EPHA5: variants seen among roughly 807,000 people sequenced by gnomAD.
EPHA5 encodes ephrin type-A receptor 5.
Under a neutral mutation model 105.0 loss-of-function variants are expected in EPHA5, and 60 were observed. That is an observed-to-expected ratio of 0.57 (90% CI 0.46 to 0.71). The LOEUF is 0.71. Ranked by LOEUF, EPHA5 falls within the 30% of genes least tolerant of loss-of-function variation. The pLI, the probability that EPHA5 is intolerant of heterozygous loss-of-function variation, is 0.00. For synonymous variants in EPHA5, 513 were observed against 449.1 expected, an observed-to-expected ratio of 1.14 and a Z score of -1.80; for missense variants, 1,218 against 1,274.7, an observed-to-expected ratio of 0.96 and a Z score of 0.68.
At chr4:65,367,331 A>ATT (rs759569334) in intron 9 of EPHA5, 26 bp downstream of exon 9, 1 of 1,582,660 alleles carries the variant, frequency 6.3e-7, no homozygotes, top group East Asian at 2.2e-5. Context: ...ATTTTATTCT[A>ATT]TTTTTATTTT....
intron 3 of EPHA5, among the ~76,000 whole-genome samples, chr4:65,570,390 T>C (rs1739998922): frequency 6.6e-6 from 1 of 151,662 alleles, no homozygotes; most frequent in South Asian, 2.1e-4. Flanking sequence ...AAAGTTTTAG[T>C]TTTTGCTATG....
At chr4:65,478,767 C>T (rs1432259140) in intron 5 of EPHA5, among the ~76,000 whole-genome samples, 3 of 152,118 alleles carry the variant, frequency 2.0e-5, no homozygotes, top group Non-Finnish European at 2.9e-5. Flanking sequence ...CCAAGGGACC[C>T]GGCTTTGACC....
At chr4:65,535,723 T>C (rs1172663046) in intron 3 of EPHA5, among the ~76,000 whole-genome samples, 1 of 152,000 alleles carries the variant, frequency 6.6e-6, no homozygotes, top group Non-Finnish European at 1.5e-5. Flanking sequence ...TAGCACCATA[T>C]TATTAAAATG....
intron 5 of EPHA5, among the ~76,000 whole-genome samples, chr4:65,443,161 G>A (rs1212196463): frequency 6.6e-6 from 1 of 151,996 alleles, no homozygotes; most frequent in African/African-American, 2.4e-5. Context: ...GTTTGCCCTA[G>A]TTATTTACAA....
chr4:65,628,764 G>T (rs763519777), intron 2 of EPHA5, among the ~76,000 whole-genome samples: 4 of 152,128 alleles, frequency 2.6e-5, no homozygotes, highest in Non-Finnish European at 2.9e-5. Context: ...GAATAATCTT[G>T]AATTATTTGA....
chr4:65,543,529 C>T (rs1479165348), intron 3 of EPHA5, among the ~76,000 whole-genome samples: 1 of 151,832 alleles, frequency 6.6e-6, no homozygotes, highest in Non-Finnish European at 1.5e-5. Context: ...ATGTGAAGGA[C>T]CTCTTCAAGG....
At chr4:65,612,337 C>A (rs1243914383) in intron 2 of EPHA5, among the ~76,000 whole-genome samples, 1 of 152,120 alleles carries the variant, frequency 6.6e-6, no homozygotes, top group Non-Finnish European at 1.5e-5. Flanking sequence ...ACCCTCTCAC[C>A]TTGCCGAGTT....
intron 2 of EPHA5, among the ~76,000 whole-genome samples, chr4:65,630,067 ACTCT>A (rs761380491): frequency 6.0e-5 from 8 of 133,408 alleles, no homozygotes; most frequent in Admixed American, 1.7e-4. Context: ...ACACACACAC[ACTCT>A]CTCTCTCTCT....
chr4:65,338,668 T>C (rs748110818), intron 14 of EPHA5, among the ~76,000 whole-genome samples: 2 of 152,144 alleles, frequency 1.3e-5, no homozygotes, highest in Non-Finnish European at 2.9e-5. Context: ...GGTAATTAGG[T>C]CATGAAATTT....
In EPHA5 at chr4:65,669,689, G is replaced by A. The variant is rs1750291779; in HGVS notation, c.54C>T (p.Gly18=). The A allele has an allele frequency of 7.6e-7, 1 of 1,311,670 alleles. No individual in the cohort carries two copies. Among genetic ancestry groups the A allele is most frequent in the Non-Finnish European group, 9.7e-7 (1 of 1,027,216 alleles). 81.3% of individuals were successfully genotyped at this position (1,311,670 alleles called of 1,614,324 possible). A position where few individuals can be genotyped will look rare whatever the true frequency, so the allele number is the denominator to read the frequency against. Residue 18 remains glycine (G), a synonymous_variant, in exon 1 of 17, where the codon GGC becomes GGT. Transcript: ENST00000613740. ...ACGCTGGGGTGATGGGGGTGTCGCC[G>A]CCGCCGCTTGGGGGCCGCCGGCGTC... ...GAGRRRPPSG[G]GDTPITPASL...
intron 8 of EPHA5, among the ~76,000 whole-genome samples, chr4:65,391,055 A>T (rs1461794297): frequency 6.6e-6 from 1 of 152,020 alleles, no homozygotes; most frequent in Non-Finnish European, 1.5e-5. Context: ...AGGAAGGAGA[A>T]GTGCCAAGCA....
At chr4:65,573,424 A>AT in intron 3 of EPHA5, 15 of 586,330 alleles carry the variant, frequency 2.6e-5, no homozygotes, top group Middle Eastern at 1.0e-3. Flanking sequence ...AAAAAAAAAA[A>AT]AAAAAAAAAA....
intron 5 of EPHA5, among the ~76,000 whole-genome samples, chr4:65,487,630 C>G (rs1051579138): frequency 5.3e-5 from 8 of 152,118 alleles, no homozygotes; most frequent in Non-Finnish European, 1.0e-4. Context: ...TCTTGTAGCC[C>G]TCACCCGGAA....
chr4:65,612,343 G>A (rs1744857805), intron 2 of EPHA5, among the ~76,000 whole-genome samples: 1 of 151,864 alleles, frequency 6.6e-6, no homozygotes, highest in South Asian at 2.1e-4. Flanking sequence ...TCACCTTGCC[G>A]AGTTTCCAAA....
intron 3 of EPHA5, among the ~76,000 whole-genome samples, chr4:65,596,292 C>T (rs770314254): frequency 1.3e-5 from 2 of 152,090 alleles, no homozygotes; most frequent in African/African-American, 2.4e-5. Context: ...TATCTAGACA[C>T]ATTTTTGACT....
At chr4:65,464,455 A>T (rs890402326) in intron 5 of EPHA5, among the ~76,000 whole-genome samples, 1 of 152,130 alleles carries the variant, frequency 6.6e-6, no homozygotes, top group Admixed American at 6.5e-5. Context: ...ACTTTAATCT[A>T]AATAGATAAT....
intron 3 of EPHA5, among the ~76,000 whole-genome samples, chr4:65,587,499 T>A (rs1228294464): frequency 6.6e-6 from 1 of 152,060 alleles, no homozygotes; most frequent in Non-Finnish European, 1.5e-5. Flanking sequence ...AGACCAAAAG[T>A]TCAGAAATGG....
rs780468296 is a variant in EPHA5 at position 65,601,834 on chromosome 4, G to T, written c.717C>A (p.His239Gln). The T allele has an allele frequency of 3.7e-6, 6 of 1,614,164 alleles. No individual in the cohort carries two copies. The highest frequency in any genetic ancestry group is 3.4e-6 in the Non-Finnish European group (4 of 1,180,028). The part of the protein sequence containing the change: ...YYKKCPSVVR[H>Q]LAVFPDTITG... ...TGATGGTGTCAGGGAAGACAGCCAA[G>T]TGTCGTACCACAGAAGGGCATTTTT... is the stretch of plus-strand genomic sequence containing the variant. Residue 239 changes from histidine (H) to glutamine (Q), a missense_variant, in exon 3 of 17, where the codon CAC (histidine) becomes CAA (glutamine). Transcript: ENST00000613740.
At position 65,559,660 on chromosome 4, in the gene EPHA5, G is replaced by A. The variant is rs1375892981; in HGVS notation, c.910+41981C>T. ...GTGATGTGCATATGCAAAGGCCCAT[G>A]AGCTTATGTGAAAATCCCTATGGGT... On this transcript the variant is annotated intron_variant, in intron 3 of 16. Transcript: ENST00000613740. 3.3e-5 allele frequency among the ~76,000 whole-genome samples: 5 copies of A among 152,118 alleles called. No individual in the cohort carries two copies. In the South Asian group the frequency reaches 1.0e-3, roughly 32 times the overall value.
Sources: gnomAD v4.1 joint callset for allele counts (sites outside exome capture counted in the v4.1 genomes callset) on GRCh38, gnomAD v4.1.1 for gene constraint, MANE v1.5 for transcripts, NCBI Gene and HGNC (gene_info 2026-07-23, HGNC 2026-07-21) for gene names.